PHIP: variants seen among roughly 807,000 people sequenced by gnomAD.
PHIP encodes PH-interacting protein.
Under a neutral mutation model 236.8 loss-of-function variants are expected in PHIP, and 54 were observed. That is an observed-to-expected ratio of 0.23 (90% confidence interval 0.18 to 0.29). PHIP has a LOEUF of 0.29. PHIP is among the 10% of genes least tolerant of loss of function. The pLI is 1.00. For synonymous variants in PHIP, 756 were observed against 718.9 expected (o/e 1.05, Z -0.83); for missense variants, 1,370 against 2,190.8 (o/e 0.63, Z 7.48).
intron 4 of PHIP, among the ~76,000 whole-genome samples, chr6:79,074,930 G>A (rs751767736): frequency 3.9e-5 from 6 of 152,128 alleles, no homozygotes; most frequent in African/African-American, 1.4e-4. Context: ...ATTTCAATGC[G>A]ATGTGATATA....
chr6:79,015,553 C>T, intron 14 of PHIP, 77 bp downstream of exon 14: 4 of 1,122,466 alleles, frequency 3.6e-6, no homozygotes, highest in Non-Finnish European at 5.1e-6. Flanking sequence ...ACATAAAAGA[C>T]TTTATTCCTC....
At chr6:79,034,906 G>C (rs969787129) in intron 7 of PHIP, among the ~76,000 whole-genome samples, 3 of 152,150 alleles carry the variant, frequency 2.0e-5, no homozygotes, top group Admixed American at 1.3e-4. Context: ...TATTCTTTGA[G>C]TGTGCGGGAT....
In PHIP at chr6:79,077,954, G is replaced by C. The variant is rs759365606; in HGVS notation, c.41-41C>G. The C allele has an allele frequency of 1.8e-5, 28 of 1,587,958 alleles. No homozygotes were observed. In the Admixed American group the frequency reaches 4.5e-4, roughly 26 times the overall value. ...GGACGGGGAGACACACAGGCTGAGC[G>C]GTCGGGCGGCGGGGGGCGGGGGACC... On this transcript the variant is annotated intron_variant, in intron 1 of 39. Coordinates refer to ENST00000275034, the MANE Select transcript of PHIP (RefSeq NM_017934.7).
chr6:79,060,418 T>C (rs927589262), intron 6 of PHIP, 60 bp downstream of exon 6: 28 of 1,176,918 alleles, frequency 2.4e-5, no homozygotes, highest in South Asian at 1.3e-4. Context: ...AAAAACCTTT[T>C]CATTTTCAAA....
chr6:79,007,484 T>A (rs565404343), intron 15 of PHIP, among the ~76,000 whole-genome samples: 2 of 152,052 alleles, frequency 1.3e-5, no homozygotes, highest in Admixed American at 1.3e-4. Flanking sequence ...AAATTCAGGA[T>A]CTCAATTATA....
At chr6:78,962,097 C>T (rs1278475228) in intron 30 of PHIP, among the ~76,000 whole-genome samples, 1 of 152,062 alleles carries the variant, frequency 6.6e-6, no homozygotes, top group Non-Finnish European at 1.5e-5. Flanking sequence ...CATACATTGC[C>T]GTAATTGACA....
rs529342104 is a variant in PHIP at position 78,982,418 on chromosome 6, T to C, written c.2769+468A>G. Among the ~76,000 whole-genome samples, 4 of 152,190 alleles carry C rather than the reference T, an allele frequency of 2.6e-5. No individual in the cohort carries two copies. The South Asian group carries it at 8.3e-4, about 32-fold the overall frequency. On this transcript the variant is annotated intron_variant, in intron 23 of 39. Coordinates refer to ENST00000275034, the MANE Select transcript of PHIP (RefSeq NM_017934.7). ...AATGAAGGAATGTTACAAGACCATC[T>C]TACCCCACTTTATTCGCCTTGGGGT...
intron 15 of PHIP, 122 bp downstream of exon 15, chr6:79,014,960 G>T: frequency 1.5e-6 from 1 of 667,000 alleles, no homozygotes; most frequent in South Asian, 2.3e-5. Flanking sequence ...TTTATTGATG[G>T]GAATTTAAAG....
chr6:78,982,632 C>T (rs1032742355), intron 23 of PHIP, among the ~76,000 whole-genome samples: 3 of 152,146 alleles, frequency 2.0e-5, no homozygotes, highest in Admixed American at 6.6e-5. Context: ...AAAATCTGAT[C>T]TTTTTAAGGT....
At chr6:79,063,540 C>T (rs778541575) in intron 4 of PHIP, among the ~76,000 whole-genome samples, 1 of 152,078 alleles carries the variant, frequency 6.6e-6, no homozygotes, top group Admixed American at 6.5e-5. Flanking sequence ...CCTCGCCTCC[C>T]GAGTAGCTGG....
intron 24 of PHIP, among the ~76,000 whole-genome samples, chr6:78,973,168 C>T (rs1487423985): frequency 6.6e-6 from 1 of 152,126 alleles, no homozygotes; most frequent in African/African-American, 2.4e-5. Flanking sequence ...ATTAGACTAA[C>T]AGCGGATCTC....
intron 8 of PHIP, 119 bp downstream of exon 8, chr6:79,025,822 ATT>A: frequency 5.2e-6 from 4 of 776,434 alleles, no homozygotes; most frequent in Non-Finnish European, 8.5e-6. Context: ...TATATACTGG[ATT>A]ATAAAGGTGA....
Position 78,940,910 on chromosome 6 carries a change from A to G in PHIP, c.5249T>C (p.Ile1750Thr), listed in dbSNP as rs1368232051. The G allele has an allele frequency of 4.3e-6, 7 of 1,613,690 alleles. No individual in the cohort carries two copies. In the South Asian group the frequency reaches 7.7e-5, roughly 18 times the overall value. ...RSNRKKIDDPIDEEEEFEELK... is the reference protein window; with the variant it reads ...RSNRKKIDDPTDEEEEFEELK... Reference sequence around the variant, plus strand: ...TTCTTCAAACTCTTCTTCCTCATCTATAGGATCATCTATCTTTTTTCGGTT... The same window carrying G: ...TTCTTCAAACTCTTCTTCCTCATCTGTAGGATCATCTATCTTTTTTCGGTT... The change falls in exon 40 of 40, where the codon ATA becomes ACA. Residue 1750 changes from isoleucine to threonine, a missense_variant. By Grantham distance (89) the Ile-to-Thr change is moderately conservative. Coordinates refer to ENST00000275034, the MANE Select transcript of PHIP (RefSeq NM_017934.7).
intron 18 of PHIP, among the ~76,000 whole-genome samples, 170 bp downstream of exon 18, chr6:78,998,084 T>C (rs1562165768): frequency 6.6e-6 from 1 of 152,222 alleles, no homozygotes; most frequent in Non-Finnish European, 1.5e-5. Context: ...AATCTCATTA[T>C]GAACCATTTT....
intron 24 of PHIP, among the ~76,000 whole-genome samples, chr6:78,974,751 G>A (rs1180535782): frequency 3.3e-5 from 5 of 151,888 alleles, no homozygotes; most frequent in African/African-American, 9.7e-5. Context: ...ACACTTCTAC[G>A]CAAATAAACT....
rs766621042 is a variant in PHIP, at chr6:78,936,476, A to C, written c.*4217T>G. The C allele has an allele frequency of 3.3e-5, 5 of 151,858 alleles. No homozygotes were observed. The highest frequency in any genetic ancestry group is 7.4e-5 in the Non-Finnish European group (5 of 67,784). The allele number at this position is 151,858 out of a possible 1,614,324, so 9.4% of individuals were successfully genotyped here. On this transcript the variant is annotated 3_prime_UTR_variant, in exon 40 of 40. Coordinates refer to ENST00000275034, the MANE Select transcript of PHIP (RefSeq NM_017934.7). ...CACACACAATCTTAAAGTAACCAGC[A>C]TGTGTGCATCTGCCTTATATGCATG...
intron 7 of PHIP, among the ~76,000 whole-genome samples, chr6:79,030,630 T>C (rs928562727): frequency 1.3e-5 from 2 of 152,176 alleles, no homozygotes; most frequent in African/African-American, 4.8e-5. Flanking sequence ...CAGATCCTGC[T>C]AATGTTTATG....
At chr6:78,970,372 C>T (rs1394404547) in intron 25 of PHIP, among the ~76,000 whole-genome samples, 199 bp from the exon 26 acceptor site, 7 of 150,976 alleles carry the variant, frequency 4.6e-5, no homozygotes, top group South Asian at 2.1e-4. Flanking sequence ...ATTTTTAAAA[C>T]GTAAAAAAGG....
At chr6:78,965,660 T>G (rs774618322) in intron 29 of PHIP, 43 bp downstream of exon 29, 7 of 1,068,432 alleles carry the variant, frequency 6.6e-6, no homozygotes, top group Non-Finnish European at 9.8e-6. Flanking sequence ...TCTTAAGAAA[T>G]TAACTCCATA....
Sources: gnomAD v4.1 joint callset for allele counts (sites outside exome capture counted in the v4.1 genomes callset) on GRCh38, gnomAD v4.1.1 for gene constraint, MANE v1.5 for transcripts, NCBI Gene and HGNC (gene_info 2026-07-23, HGNC 2026-07-21) for gene names.